Variants in ZCCHC7 observed in about 807,000 individuals in gnomAD.
The protein encoded by ZCCHC7 is zinc finger CCHC-type containing 7, also known as zinc finger CCHC domain-containing protein 7.
ZCCHC7 carries 35 observed loss-of-function variants against 52.0 expected under a neutral mutation model. The ratio of observed to expected loss-of-function variants is 0.67; its 90% CI spans 0.51 to 0.89. ZCCHC7 has a LOEUF of 0.89. Ranked by LOEUF, ZCCHC7 falls within the 40% of genes least tolerant of loss-of-function variation. ZCCHC7 has a pLI of 0.00. For synonymous variants in ZCCHC7, 217 were observed against 221.5 expected (o/e 0.98, Z 0.18); for missense variants, 574 against 649.1 (o/e 0.88, Z 1.26).
chr9:37,132,629 G>T (rs1356134586), intron 2 of ZCCHC7, among the ~76,000 whole-genome samples: 4 of 151,590 alleles, frequency 2.6e-5, no homozygotes, highest in Admixed American at 1.3e-4. Flanking sequence ...GTGTCTGTGG[G>T]GGATTGGTTC....
intron 2 of ZCCHC7, among the ~76,000 whole-genome samples, chr9:37,205,539 C>G (rs548764741): frequency 6.6e-6 from 1 of 152,204 alleles, no homozygotes; most frequent in Admixed American, 6.5e-5. Context: ...TTTTTTGAGA[C>G]GGAGTCTCGC....
At chr9:37,275,318 C>CTT (rs35954918) in intron 2 of ZCCHC7, among the ~76,000 whole-genome samples, 5 of 124,026 alleles carry the variant, frequency 4.0e-5, no homozygotes, top group South Asian at 5.1e-4. Flanking sequence ...TCTAGTTTTC[C>CTT]TTTTTTTTTT....
chr9:37,346,666 C>T (rs1032870583), intron 6 of ZCCHC7, among the ~76,000 whole-genome samples: 2 of 152,066 alleles, frequency 1.3e-5, no homozygotes, highest in African/African-American at 4.8e-5. Flanking sequence ...CAAAGCGAGA[C>T]GCTGTCTCAA....
intron 2 of ZCCHC7, among the ~76,000 whole-genome samples, chr9:37,131,018 ATTACT>A (rs72523919): frequency 0.03 from 4,490 of 152,042 alleles, 153 homozygotes; most frequent in East Asian, 0.074. Flanking sequence ...ACTCTCCCCT[ATTACT>A]TTAATTTCAG....
At chr9:37,291,175 A>T (rs1828517408) in intron 2 of ZCCHC7, among the ~76,000 whole-genome samples, 1 of 152,242 alleles carries the variant, frequency 6.6e-6, no homozygotes, top group African/African-American at 2.4e-5. Flanking sequence ...AATTGACAAA[A>T]CATGTTTTCA....
At chr9:37,188,173 C>A (rs1003389273) in intron 2 of ZCCHC7, among the ~76,000 whole-genome samples, 1 of 151,862 alleles carries the variant, frequency 6.6e-6, no homozygotes, top group Non-Finnish European at 1.5e-5. Flanking sequence ...TTTTAAGAGA[C>A]AGGGTCTCAT....
intron 2 of ZCCHC7, among the ~76,000 whole-genome samples, chr9:37,236,978 A>G (rs1825683055): frequency 6.6e-6 from 1 of 152,230 alleles, no homozygotes; most frequent in African/African-American, 2.4e-5. Context: ...CCTATGTCTC[A>G]GAAGTTTCCC....
At chr9:37,228,865 T>A (rs1825256178) in intron 2 of ZCCHC7, among the ~76,000 whole-genome samples, 1 of 147,104 alleles carries the variant, frequency 6.8e-6, no homozygotes, top group South Asian at 2.2e-4. Flanking sequence ...AGACAGAGTC[T>A]CACTCTGTCG....
intron 2 of ZCCHC7, among the ~76,000 whole-genome samples, chr9:37,263,591 G>T (rs1277954543): frequency 6.6e-6 from 1 of 152,060 alleles, no homozygotes; most frequent in Non-Finnish European, 1.5e-5. Context: ...AAGAACAAAA[G>T]ACTAGAAGAC....
intron 5 of ZCCHC7, among the ~76,000 whole-genome samples, chr9:37,325,038 A>G (rs1004355228): frequency 8.5e-5 from 13 of 152,242 alleles, no homozygotes; most frequent in South Asian, 2.1e-4. Context: ...ATAAAATTCA[A>G]TATGGGTCAA....
At position 37,126,524 on chromosome 9, in the gene ZCCHC7, T is replaced by C; in HGVS notation, c.192T>C (p.Ser64=). The C allele has an allele frequency of 6.2e-7, 1 of 1,613,990 alleles. No homozygotes were observed. The highest frequency in any genetic ancestry group is 2.2e-5 in the East Asian group (1 of 44,872). The change falls in exon 2 of 9, where the codon TCT becomes TCC. Residue 64 remains serine, a synonymous_variant. Transcript: ENST00000336755. ...HEEKNSGNSE[S]SSSKPNQKKL... is the part of the protein sequence containing the mutation. The stretch of plus-strand genomic sequence containing the variant: ...AAAAGAACTCTGGGAATTCGGAATC[T>C]TCGAGTAGTAAACCAAATCAGAAGA...
At chr9:37,272,512 AAAG>A (rs1256935310) in intron 2 of ZCCHC7, among the ~76,000 whole-genome samples, 2 of 150,512 alleles carry the variant, frequency 1.3e-5, no homozygotes, top group East Asian at 1.9e-4. Flanking sequence ...AAAAAAAAAA[AAAG>A]AAAGAAAGGA....
chr9:37,177,545 T>C (rs1822106838), intron 2 of ZCCHC7, among the ~76,000 whole-genome samples: 1 of 151,992 alleles, frequency 6.6e-6, no homozygotes, highest in South Asian at 2.1e-4. Flanking sequence ...CTTTCAACAA[T>C]GAAGAATAGT....
At chr9:37,120,540 T>TC, upstream of ZCCHC7, 1 of 399,262 alleles carries the variant, frequency 2.5e-6, no homozygotes, top group Non-Finnish European at 4.4e-6. Flanking sequence ...GGACGCGGCC[T>TC]CCTTACCTCA....
chr9:37,349,335 C>T, intron 6 of ZCCHC7, 22 bp from the exon 7 acceptor site: 1 of 1,610,798 alleles, frequency 6.2e-7, no homozygotes, highest in Non-Finnish European at 8.5e-7. Context: ...TCAACAAACC[C>T]TCACAAATAT....
intron 2 of ZCCHC7, among the ~76,000 whole-genome samples, chr9:37,139,597 ATTAGT>A (rs1843136288): frequency 6.6e-6 from 1 of 151,954 alleles, no homozygotes; most frequent in South Asian, 2.1e-4. Context: ...AGTTTTGAAA[ATTAGT>A]TTATTGTGGA....
At chr9:37,327,944 A>G (rs562078881) in intron 6 of ZCCHC7, 110 bp downstream of exon 6, 2 of 1,190,358 alleles carry the variant, frequency 1.7e-6, no homozygotes, top group African/African-American at 1.5e-5. Flanking sequence ...GATAATAAAC[A>G]TCTGAAGAGT....
chr9:37,128,680 A>T (rs1047440445), intron 2 of ZCCHC7, among the ~76,000 whole-genome samples: 3 of 152,242 alleles, frequency 2.0e-5, no homozygotes, highest in African/African-American at 7.2e-5. Flanking sequence ...CAGGAGGCTG[A>T]AGGCTCTTAA....
At chr9:37,137,502 G>T (rs1210570886) in intron 2 of ZCCHC7, among the ~76,000 whole-genome samples, 1 of 152,194 alleles carries the variant, frequency 6.6e-6, no homozygotes, top group Non-Finnish European at 1.5e-5. Context: ...GCCTAAACAA[G>T]AAAGGATTAT....
Sources: allele counts gnomAD v4.1 joint callset (sites outside exome capture counted in the v4.1 genomes callset), GRCh38; gene constraint gnomAD v4.1.1; transcripts MANE v1.5; gene names NCBI Gene and HGNC (gene_info 2026-07-23, HGNC 2026-07-21).